Variants in TCERG1 observed in about 807,000 individuals in gnomAD.
TCERG1 encodes the protein transcription elongation regulator 1.
In TCERG1, 37 loss-of-function variants were observed where a neutral mutation model predicts 144.7. The ratio of observed to expected loss-of-function variants is 0.26; its 90% confidence interval spans 0.20 to 0.34. The LOEUF is 0.34. Ranked by LOEUF, TCERG1 falls within the 10% of genes least tolerant of loss-of-function variation. The probability of loss-of-function intolerance (pLI) is 1.00; values close to 1 mark genes in which losing one functional copy is unlikely to be tolerated. For missense variants in TCERG1, 1,027 were observed against 1,380.7 expected, an observed-to-expected ratio of 0.74 and a Z score of 4.06; for synonymous variants, 492 against 458.2, an observed-to-expected ratio of 1.07 and a Z score of -0.94.
At chr5:146,453,294 T>A (rs1470559539) in intron 1 of TCERG1, among the ~76,000 whole-genome samples, 1 of 152,152 alleles carries the variant, frequency 6.6e-6, no homozygotes, top group Non-Finnish European at 1.5e-5. Flanking sequence ...TTAAAAACTT[T>A]GGAAGTAATT....
chr5:146,472,701 TTGTGTGTGTG>T (rs59508893), intron 9 of TCERG1, among the ~76,000 whole-genome samples: 8 of 145,944 alleles, frequency 5.5e-5, no homozygotes, highest in South Asian at 2.3e-4. Flanking sequence ...ACCTCTCACT[TTGTGTGTGTG>T]TGTGTGTGTG....
At chr5:146,470,160 CTAT>C (rs895986401) in intron 7 of TCERG1, among the ~76,000 whole-genome samples, 1 of 152,168 alleles carries the variant, frequency 6.6e-6, no homozygotes, top group East Asian at 1.9e-4. Context: ...TCACAAGCTG[CTAT>C]TATTATTGTT....
intron 3 of TCERG1, among the ~76,000 whole-genome samples, chr5:146,457,901 G>C (rs1762967599): frequency 6.6e-6 from 1 of 152,218 alleles, no homozygotes; most frequent in Admixed American, 6.5e-5. Flanking sequence ...CCAGGCTAGA[G>C]AGCAGTAGTG....
chr5:146,473,146 GA>G (rs1471260556), intron 9 of TCERG1, among the ~76,000 whole-genome samples: 5 of 152,206 alleles, frequency 3.3e-5, no homozygotes, highest in African/African-American at 1.2e-4. Flanking sequence ...AGAAGGAAAT[GA>G]AAAGTGCTAT....
At chr5:146,491,151 CTT>C (rs76132505) in intron 15 of TCERG1, among the ~76,000 whole-genome samples, 12 of 143,830 alleles carry the variant, frequency 8.3e-5, no homozygotes, top group South Asian at 2.2e-4. Context: ...TTTGGGTACT[CTT>C]TTTTTTTTTT....
At position 146,507,859 on chromosome 5, in the gene TCERG1, A is replaced by G. The variant is rs1271937336; in HGVS notation, c.2962-14A>G. 6.3e-6 allele frequency: 10 copies of G among 1,585,282 alleles called. No individual in the cohort carries two copies. Among genetic ancestry groups the G allele is most frequent in the East Asian group, 4.5e-5 (2 of 44,630 alleles). The stretch of plus-strand genomic sequence containing the variant: ...TGAGTTGTATTTATGTTTTTTATTC[A>G]TGTCTTTTCAAAGATTACCTTAACA... On this transcript the variant is annotated splice_polypyrimidine_tract_variant and intron_variant, in intron 20 of 22. Coordinates refer to ENST00000679501, the MANE Select transcript of TCERG1 (RefSeq NM_001382548.1). This position sits in a 1 kb window ranked among gnomAD's most constrained non-coding sequence, Gnocchi z 4.6.
chr5:146,447,507 C>T (rs13182279), intron 1 of TCERG1, 99 bp downstream of exon 1: 18 of 1,462,904 alleles, frequency 1.2e-5, no homozygotes, highest in Non-Finnish European at 1.7e-5. Flanking sequence ...CGGTGGGTAG[C>T]GGAGCCGGGC....
At chr5:146,451,635 C>A (rs73315011) in intron 1 of TCERG1, among the ~76,000 whole-genome samples, 3,418 of 151,094 alleles carry the variant, frequency 0.023, 129 homozygotes, top group African/African-American at 0.078. Context: ...GCCCATATTC[C>A]TTTTTAACTC....
chr5:146,475,591 T>G (rs1456127406), intron 9 of TCERG1, among the ~76,000 whole-genome samples: 1 of 152,186 alleles, frequency 6.6e-6, no homozygotes, highest in Non-Finnish European at 1.5e-5. Context: ...TTAACCCGAT[T>G]AAATCATTAA....
At chr5:146,469,462 A>G in intron 6 of TCERG1, 82 bp from the exon 7 acceptor site, 1 of 1,154,166 alleles carries the variant, frequency 8.7e-7, no homozygotes. Flanking sequence ...TATTTAATAG[A>G]AAGATTTAGC....
Position 146,469,461 on chromosome 5 carries a change from G to T in TCERG1, c.1199-83G>T, listed in dbSNP as rs542243559. 4.4e-6 allele frequency: 5 copies of T among 1,132,664 alleles called. No homozygotes were observed. The South Asian group carries it at 9.9e-5, about 22-fold the overall frequency. 70.2% of individuals were successfully genotyped at this position (1,132,664 alleles called of 1,614,324 possible). A position where few individuals can be genotyped will look rare whatever the true frequency, so the allele number is the denominator to read the frequency against. ...TCCATTCATTTATTAATATTTAATA[G>T]AAAGATTTAGCTCATATTTTAGAGT... On this transcript the variant is annotated intron_variant, in intron 6 of 22. Transcript: ENST00000679501.
intron 7 of TCERG1, 149 bp from the exon 8 acceptor site, chr5:146,470,487 C>T (rs1366045846): frequency 1.5e-6 from 1 of 645,988 alleles, no homozygotes; most frequent in Non-Finnish European, 2.6e-6. Context: ...TTGTGCATTA[C>T]ATAAGATTCA....
chr5:146,490,483 G>A (rs1224089184), intron 15 of TCERG1, among the ~76,000 whole-genome samples: 7 of 152,166 alleles, frequency 4.6e-5, no homozygotes, highest in Admixed American at 6.6e-5. Context: ...GAATTGTTTG[G>A]CTAGCTAAAG....
At chr5:146,485,960 G>A (rs1240314742) in intron 15 of TCERG1, among the ~76,000 whole-genome samples, 10 of 152,296 alleles carry the variant, frequency 6.6e-5, no homozygotes, top group African/African-American at 2.2e-4. Context: ...CTCACAAAGT[G>A]TTGGGATTAC....
At chr5:146,448,122 CAGAGGGGTCTTCAG>C (rs150972400) in intron 1 of TCERG1, among the ~76,000 whole-genome samples, 7,884 of 152,256 alleles carry the variant, frequency 0.052, 280 homozygotes, top group Middle Eastern at 0.11. Context: ...GGCCACAGAC[CAGAGGGGTCTTCAG>C]TTGTTACTCG....
chr5:146,463,438 G>A (rs769608808), intron 4 of TCERG1, 113 bp from the exon 5 acceptor site: 2 of 1,452,494 alleles, frequency 1.4e-6, no homozygotes, highest in Non-Finnish European at 1.9e-6. Context: ...ATTTCTTGCA[G>A]TGCATAGAAT....
chr5:146,478,791 A>C (rs1449660452), intron 10 of TCERG1, 138 bp downstream of exon 10: 7 of 813,550 alleles, frequency 8.6e-6, no homozygotes, highest in Non-Finnish European at 1.3e-5. Flanking sequence ...CTGCTATCCT[A>C]GTTTGAATGA....
At chr5:146,494,050 A>C (rs1387058798) in intron 16 of TCERG1, among the ~76,000 whole-genome samples, 1 of 152,080 alleles carries the variant, frequency 6.6e-6, no homozygotes, top group African/African-American at 2.4e-5. Context: ...AAGCTAATAG[A>C]GTATTTGTGA....
intron 15 of TCERG1, among the ~76,000 whole-genome samples, chr5:146,486,198 G>A (rs1765817295): frequency 6.6e-6 from 1 of 152,196 alleles, no homozygotes; most frequent in Admixed American, 6.5e-5. Flanking sequence ...CATATTTGCA[G>A]TTTGTGCTTT....
Sources: allele counts gnomAD v4.1 joint callset (sites outside exome capture counted in the v4.1 genomes callset), GRCh38; gene constraint gnomAD v4.1.1; non-coding constraint Gnocchi (gnomAD v3.1); transcripts MANE v1.5; gene names NCBI Gene and HGNC (gene_info 2026-07-23, HGNC 2026-07-21).